Variants in ACACB observed in about 807,000 individuals in gnomAD.
ACACB encodes the protein acetyl-CoA carboxylase beta, also known as acetyl-CoA carboxylase 2.
Under a neutral mutation model 278.8 loss-of-function variants are expected in ACACB, and 209 were observed. That is an observed-to-expected ratio of 0.75 (90% CI 0.67 to 0.84). The LOEUF is 0.84. ACACB is among the 40% of genes least tolerant of loss of function. The pLI, the probability that ACACB is intolerant of heterozygous loss-of-function variation, is 0.00. For synonymous variants in ACACB, 1,174 were observed against 1,285.6 expected, an observed-to-expected ratio of 0.91 and a Z score of 1.86; for missense variants, 2,850 against 3,269.0, an observed-to-expected ratio of 0.87 and a Z score of 3.13.
intron 2 of ACACB, among the ~76,000 whole-genome samples, chr12:109,161,331 G>A (rs150012485): frequency 6.6e-6 from 1 of 152,084 alleles, no homozygotes; most frequent in African/African-American, 2.4e-5. Flanking sequence ...ATCACTTGAG[G>A]TCAGGAGTTC....
At chr12:109,256,900 CAT>C (rs555929078) in intron 45 of ACACB, among the ~76,000 whole-genome samples, 45 of 152,340 alleles carry the variant, frequency 3.0e-4, no homozygotes, top group African/African-American at 9.4e-4. Context: ...GATGCAATAA[CAT>C]GTGTGAAATA....
Position 109,139,453 on chromosome 12 carries a change from CT to C in ACACB, c.52del (p.Ser18ProfsTer3), listed in dbSNP as rs755458548. 17 of 1,613,994 alleles carry C rather than the reference CT, an allele frequency of 1.1e-5. No individual in the cohort carries two copies. The highest frequency in any genetic ancestry group is 2.2e-5 in the East Asian group (1 of 44,892). ...CTTGTCTGATTTTCTCCTGTCTGAC[CT>C]TTTCCTGGTTAAAAATCTGGGGGAA... The part of the protein sequence containing the change: ...LSCLIFSCLT[F>X]SWLKIWGKMT... On this transcript the variant is annotated frameshift_variant, in exon 2 of 53. Coordinates refer to ENST00000338432, the MANE Select transcript of ACACB (RefSeq NM_001093.4). LOFTEE classifies it high-confidence loss of function.
intron 1 of ACACB, among the ~76,000 whole-genome samples, chr12:109,118,066 A>G (rs2042451970): frequency 6.6e-6 from 1 of 152,136 alleles, no homozygotes; most frequent in Non-Finnish European, 1.5e-5. Context: ...ATCATTTTAT[A>G]AATTGCATGT....
intron 24 of ACACB, among the ~76,000 whole-genome samples, 191 bp downstream of exon 24, chr12:109,217,111 G>A (rs772956728): frequency 2.6e-5 from 4 of 151,940 alleles, no homozygotes; most frequent in Non-Finnish European, 5.9e-5. Flanking sequence ...GTGAAACCTC[G>A]TCTCCACTAA....
intron 29 of ACACB, 42 bp from the exon 30 acceptor site, chr12:109,233,706 G>A (rs2046545489): frequency 6.4e-7 from 1 of 1,561,334 alleles, no homozygotes; most frequent in Admixed American, 1.7e-5. Flanking sequence ...ATCCCCATGG[G>A]TCAGCAGCCC....
chr12:109,193,620 C>T, intron 15 of ACACB, 28 bp from the exon 16 acceptor site: 2 of 1,585,174 alleles, frequency 1.3e-6, no homozygotes, highest in Non-Finnish European at 1.7e-6. Context: ...CCTCCCAAGG[C>T]TGACCACAAC....
chr12:109,211,992 C>G (rs2136437192), intron 21 of ACACB, among the ~76,000 whole-genome samples: 2 of 152,280 alleles, frequency 1.3e-5, no homozygotes, highest in Admixed American at 1.3e-4. Flanking sequence ...TCCCCATGAG[C>G]ACCCTGGTTT....
intron 16 of ACACB, among the ~76,000 whole-genome samples, 168 bp downstream of exon 16, chr12:109,193,897 G>C (rs976297064): frequency 2.6e-4 from 40 of 152,200 alleles, no homozygotes; most frequent in African/African-American, 8.9e-4. Context: ...AAACACTTTG[G>C]CTTTTAGAAC....
intron 1 of ACACB, among the ~76,000 whole-genome samples, chr12:109,131,900 C>A (rs1005319524): frequency 7.2e-5 from 11 of 152,068 alleles, no homozygotes; most frequent in African/African-American, 2.7e-4. Context: ...TGACCACGGC[C>A]CCCCCACGCC....
intron 49 of ACACB, chr12:109,262,983 T>TATATATATATATATATATATATATATA (rs1491252356): frequency 2.2e-4 from 29 of 134,880 alleles, no homozygotes; most frequent in Non-Finnish European, 2.9e-4. Flanking sequence ...TATATATATA[T>TATATATATATATATATATATATATATA]TGCCATCGTG....
chr12:109,228,383 G>T (rs971012849), intron 28 of ACACB, among the ~76,000 whole-genome samples: 1 of 151,292 alleles, frequency 6.6e-6, no homozygotes. Context: ...GCCAGCCATG[G>T]TGGCCCACAC....
At chr12:109,150,940 T>A (rs534328380) in intron 2 of ACACB, among the ~76,000 whole-genome samples, 1 of 151,898 alleles carries the variant, frequency 6.6e-6, no homozygotes, top group South Asian at 2.1e-4. Context: ...GTTTACTTTT[T>A]CTTTTTCTTT....
chr12:109,245,533 C>A (rs1329116707), intron 37 of ACACB, 93 bp from the exon 38 acceptor site: 2 of 1,368,914 alleles, frequency 1.5e-6, no homozygotes, highest in African/African-American at 1.5e-5. Context: ...ACAGAATTCA[C>A]CCTGGAATCA....
At position 109,252,027 on chromosome 12, in the gene ACACB, G is replaced by C. The variant is rs762609434; in HGVS notation, c.5791-19G>C. The stretch of plus-strand genomic sequence containing the variant: ...CCCTCGCCACTCTCCAGAATTCAGA[G>C]GGGGTCCTCTCTCCACAGGTGACCT... On this transcript the variant is annotated intron_variant, in intron 41 of 52. Transcript: ENST00000338432. The C allele has an allele frequency of 6.3e-7, 1 of 1,592,706 alleles. No individual in the cohort carries two copies. Among genetic ancestry groups the C allele is most frequent in the South Asian group, 1.1e-5 (1 of 88,242 alleles).
rs142570749 is a variant in ACACB, at chr12:109,230,987, G to A, written c.4002-1682G>A. 1.8e-3 allele frequency among the ~76,000 whole-genome samples: 278 copies of A among 152,242 alleles called. 1 individual carries two copies. The highest frequency in any genetic ancestry group is 6.1e-3 in the African/African-American group (253 of 41,522). On this transcript the variant is annotated intron_variant, in intron 28 of 52. Transcript: ENST00000338432. Reference sequence around the variant, plus strand: ...GGGCCTGTGAAGAGACCTTGCCTGCGGCTGCCCCCACCAACCAGCCCTTTA... The same window carrying A: ...GGGCCTGTGAAGAGACCTTGCCTGCAGCTGCCCCCACCAACCAGCCCTTTA...
At chr12:109,147,557 C>T (rs1328431057) in intron 2 of ACACB, among the ~76,000 whole-genome samples, 1 of 151,912 alleles carries the variant, frequency 6.6e-6, no homozygotes, top group South Asian at 2.1e-4. Context: ...TAAAAGATTA[C>T]GTCTTTTATT....
At chr12:109,265,088 T>C (rs752011185) in intron 50 of ACACB, 22 bp from the exon 51 acceptor site, 1 of 1,590,020 alleles carries the variant, frequency 6.3e-7, no homozygotes, top group African/African-American at 1.3e-5. Flanking sequence ...TTTCCGGGGA[T>C]TCAAGCCTGG....
At chr12:109,212,086 T>C (rs992409088) in intron 21 of ACACB, among the ~76,000 whole-genome samples, 2 of 152,168 alleles carry the variant, frequency 1.3e-5, no homozygotes, top group Non-Finnish European at 2.9e-5. Flanking sequence ...TGTGCACTCC[T>C]CCATGTGATC....
In ACACB at chr12:109,256,187, A is replaced by G; in HGVS notation, c.6214A>G (p.Lys2072Glu). ...CGGATTCTTTGACCACGGCAGTTTC[A>G]AGGAAATCATGGCACCCTGGGCGCA... is the stretch of plus-strand genomic sequence containing the variant. ...QSGFFDHGSF[K>E]EIMAPWAQTV... The change falls in exon 45 of 53, where the codon AAG becomes GAG. Residue 2072 changes from lysine (K) to glutamate (E), a missense_variant. By Grantham distance (56) the Lys-to-Glu change is moderately conservative (BLOSUM62 1). Transcript: ENST00000338432. 1 of 1,613,962 alleles carries G rather than the reference A, an allele frequency of 6.2e-7. No individual in the cohort carries two copies. The highest frequency in any genetic ancestry group is 8.5e-7 in the Non-Finnish European group (1 of 1,179,918).
Sources: allele counts gnomAD v4.1 joint callset (sites outside exome capture counted in the v4.1 genomes callset), GRCh38; gene constraint gnomAD v4.1.1; transcripts MANE v1.5; gene names NCBI Gene and HGNC (gene_info 2026-07-23, HGNC 2026-07-21).